Variants in DYRK4 observed in about 807,000 individuals in gnomAD.
DYRK4 encodes dual specificity tyrosine phosphorylation regulated kinase 4.
A neutral mutation model predicts 68.3 loss-of-function variants in DYRK4; 64 were observed. The observed-to-expected ratio is 0.94, with a 90% CI of 0.77 to 1.15. The LOEUF is 1.15. DYRK4 is among the 50% of genes most tolerant of loss of function. The pLI, the probability that DYRK4 is intolerant of heterozygous loss-of-function variation, is 0.00. For synonymous variants in DYRK4, 274 were observed against 289.9 expected (o/e 0.95, Z 0.56); for missense variants, 740 against 764.7 (o/e 0.97, Z 0.38).
At chr12:4,575,299 C>CGTGTGTGTGTGTGTGTGTGTGTGTGTGTG (rs1555120909) in intron 2 of DYRK4, among the ~76,000 whole-genome samples, 2 of 148,862 alleles carry the variant, frequency 1.3e-5, no homozygotes, top group Non-Finnish European at 3.0e-5. Flanking sequence ...CAATAACTTA[C>CGTGTGTGTGTGTGTGTGTGTGTGTGTGTG]TGTGTGTGTG....
chr12:4,593,214 GGTA>G, intron 6 of DYRK4, 49 bp downstream of exon 6: 3 of 1,592,410 alleles, frequency 1.9e-6, no homozygotes, highest in Non-Finnish European at 2.6e-6. Context: ...AGGGACAAGA[GGTA>G]GTCTAGAAAG....
Position 4,596,630 on chromosome 12 carries a change from C to T in DYRK4, c.806C>T (p.Ala269Val), listed in dbSNP as rs1489137993. Reference protein sequence around the residue: ...QALMELKILEALRKKDKDNTY... With the variant: ...QALMELKILEVLRKKDKDNTY... ...CTGATGGAGCTGAAGATCCTGGAAG[C>T]TCTCAGAAAGAAGGACAAAGACAAC... The change falls in exon 8 of 15, where the codon GCT becomes GTT. Residue 269 changes from alanine (A) to valine (V), a missense_variant. Coordinates refer to ENST00000543431, the MANE Select transcript of DYRK4 (RefSeq NM_001394779.1). 1 of 1,614,044 alleles carries T rather than the reference C, an allele frequency of 6.2e-7. No homozygotes were observed. Among genetic ancestry groups the T allele is most frequent in the Non-Finnish European group, 8.5e-7 (1 of 1,180,036 alleles).
At chr12:4,577,927 A>C (rs1944805117) in intron 2 of DYRK4, among the ~76,000 whole-genome samples, 1 of 152,186 alleles carries the variant, frequency 6.6e-6, no homozygotes, top group African/African-American at 2.4e-5. Context: ...TTCAAATTCC[A>C]ATGGTTCATT....
chr12:4,605,770 A>G (rs1464720920), intron 11 of DYRK4, among the ~76,000 whole-genome samples: 1 of 118,650 alleles, frequency 8.4e-6, no homozygotes, highest in African/African-American at 3.2e-5. Flanking sequence ...ATTAATGCCT[A>G]TACCCATAGG....
intron 2 of DYRK4, among the ~76,000 whole-genome samples, chr12:4,575,958 C>A (rs1424600921): frequency 6.6e-6 from 1 of 152,146 alleles, no homozygotes; most frequent in Admixed American, 6.5e-5. Context: ...TTTACAGTTT[C>A]TCCTATTATT....
chr12:4,602,230 A>C, intron 10 of DYRK4: 1 of 1,015,330 alleles, frequency 9.8e-7, no homozygotes, highest in Non-Finnish European at 1.5e-6. Context: ...TGCTTGCTGA[A>C]TTCTCCTCAT....
intron 10 of DYRK4, 29 bp from the exon 11 acceptor site, chr12:4,604,885 A>G (rs1945123080): frequency 2.6e-6 from 4 of 1,552,008 alleles, no homozygotes; most frequent in East Asian, 4.7e-5. Context: ...AGTTTGTCCC[A>G]CGAGGTTTCT....
intron 6 of DYRK4, among the ~76,000 whole-genome samples, chr12:4,595,777 G>T (rs1253406342): frequency 6.6e-6 from 1 of 152,196 alleles, no homozygotes; most frequent in Non-Finnish European, 1.5e-5. Flanking sequence ...GGGACTTTCA[G>T]GGCCGCTTTT....
At chr12:4,599,863 C>T (rs950303024) in intron 10 of DYRK4, 75 bp downstream of exon 10, 2 of 1,284,196 alleles carry the variant, frequency 1.6e-6, no homozygotes, top group Admixed American at 3.5e-5. Flanking sequence ...AGGTCACCTG[C>T]CTTCTAGGCT....
At chr12:4,581,812 A>G (rs370458930) in intron 2 of DYRK4, among the ~76,000 whole-genome samples, 4 of 152,136 alleles carry the variant, frequency 2.6e-5, no homozygotes, top group African/African-American at 9.7e-5. Flanking sequence ...TTAAGTGCCT[A>G]CTACAGGTTG....
chr12:4,585,092 T>C (rs1944882712), intron 2 of DYRK4, among the ~76,000 whole-genome samples: 1 of 152,172 alleles, frequency 6.6e-6, no homozygotes, highest in Admixed American at 6.5e-5. Context: ...GTCACCGCAG[T>C]GTTCAGATCC....
At chr12:4,572,956 C>T (rs989723442) in intron 2 of DYRK4, 5 of 242,348 alleles carry the variant, frequency 2.1e-5, no homozygotes, top group Admixed American at 1.6e-4. Context: ...ACTTCCTATA[C>T]GAAAAGCAGG....
rs532152477 is a variant in DYRK4 at position 4,590,558 on chromosome 12, G to T, written c.324+118G>T. The T allele has an allele frequency of 2.5e-5, 37 of 1,463,308 alleles. No homozygotes were observed. The Admixed American group carries it at 5.4e-4, about 21-fold the overall frequency. 90.6% of individuals were successfully genotyped at this position (1,463,308 alleles called of 1,614,324 possible). A position where few individuals can be genotyped will look rare whatever the true frequency, so the allele number is the denominator to read the frequency against. On this transcript the variant is annotated intron_variant, in intron 4 of 14. Coordinates refer to ENST00000543431, the MANE Select transcript of DYRK4 (RefSeq NM_001394779.1). ...AAGCACAGTAGCTGCTGAAGAGGTG[G>T]GTTCTAGTCCTGTTCTCATTCTTTA...
intron 6 of DYRK4, among the ~76,000 whole-genome samples, chr12:4,593,601 G>T (rs536764961): frequency 6.6e-6 from 1 of 152,286 alleles, no homozygotes; most frequent in East Asian, 1.9e-4. Context: ...TTTTGTCACT[G>T]TAGACCCTGG....
At chr12:4,580,951 A>G in intron 2 of DYRK4, 3 of 450,590 alleles carry the variant, frequency 6.7e-6, no homozygotes, top group Non-Finnish European at 1.3e-5. Flanking sequence ...CAGAGAGTCC[A>G]GTTGCTATCT....
rs1945100613 is a variant in DYRK4, at chr12:4,603,155, A to G, written c.1127-1759A>G. ...ATCTGATATGGGATCCAAAGGTTGA[A>G]TACTCGGTACCGAAATGAAGTCATT... On this transcript the variant is annotated intron_variant, in intron 10 of 14. Transcript: ENST00000543431. The G allele has an allele frequency of 1.0e-5, 14 of 1,344,836 alleles. No individual in the cohort carries two copies. In the East Asian group the frequency reaches 3.2e-4, roughly 31 times the overall value. The allele number at this position is 1,344,836 out of a possible 1,614,324, so 83.3% of individuals were successfully genotyped here.
chr12:4,607,537 A>G, intron 12 of DYRK4, 150 bp downstream of exon 12: 2 of 832,106 alleles, frequency 2.4e-6, no homozygotes, highest in Non-Finnish European at 3.8e-6. Context: ...GAGCAGGGGA[A>G]TCGGATAGCA....
intron 2 of DYRK4, among the ~76,000 whole-genome samples, chr12:4,581,753 T>C (rs553924480): frequency 6.6e-6 from 1 of 152,288 alleles, no homozygotes; most frequent in East Asian, 1.9e-4. Flanking sequence ...TCCCTGCCTC[T>C]CTCCTGTCCT....
intron 9 of DYRK4, among the ~76,000 whole-genome samples, chr12:4,599,455 G>A (rs1489949680): frequency 6.6e-6 from 1 of 152,028 alleles, no homozygotes; most frequent in Non-Finnish European, 1.5e-5. Context: ...AGAATCAATA[G>A]GGGGAAAGTG....
Sources: gnomAD v4.1 joint callset for allele counts (sites outside exome capture counted in the v4.1 genomes callset) on GRCh38, gnomAD v4.1.1 for gene constraint, MANE v1.5 for transcripts, NCBI Gene and HGNC (gene_info 2026-07-23, HGNC 2026-07-21) for gene names.